Variants in GRIK1 observed in about 807,000 individuals in gnomAD.
The protein encoded by GRIK1 is glutamate receptor ionotropic, kainate 1.
A neutral mutation model predicts 105.7 loss-of-function variants in GRIK1; 69 were observed. The observed-to-expected ratio is 0.65, with a 90% CI of 0.54 to 0.80. The LOEUF (loss-of-function observed/expected upper bound fraction) is 0.80, where lower values mean the gene tolerates loss of function less well. Among genes scored for constraint, GRIK1 ranks in the 30% least tolerant of loss-of-function variants. The probability of loss-of-function intolerance (pLI) is 0.00; values close to 1 mark genes in which losing one functional copy is unlikely to be tolerated. For synonymous variants in GRIK1, 438 were observed against 431.3 expected (o/e 1.02, Z -0.19); for missense variants, 1,109 against 1,167.3 (o/e 0.95, Z 0.73).
intron 1 of GRIK1, among the ~76,000 whole-genome samples, chr21:29,933,798 A>G (rs2071653837): frequency 6.6e-6 from 1 of 152,184 alleles, no homozygotes; most frequent in Admixed American, 6.5e-5. Flanking sequence ...GTCAATTAGA[A>G]AAAGGCAGCT....
chr21:29,635,919 C>T (rs1048186832), intron 7 of GRIK1, among the ~76,000 whole-genome samples: 4 of 152,056 alleles, frequency 2.6e-5, no homozygotes, highest in Admixed American at 1.3e-4. Flanking sequence ...TCAGAAGAGA[C>T]GGTCAAACAG....
At chr21:29,833,339 T>C (rs2067694431) in intron 1 of GRIK1, among the ~76,000 whole-genome samples, 1 of 152,190 alleles carries the variant, frequency 6.6e-6, no homozygotes, top group African/African-American at 2.4e-5. Flanking sequence ...ACCTCCACAT[T>C]TTTGGGTATC....
At chr21:29,769,561 G>T (rs1216672988) in intron 1 of GRIK1, among the ~76,000 whole-genome samples, 1 of 152,046 alleles carries the variant, frequency 6.6e-6, no homozygotes, top group African/African-American at 2.4e-5. Flanking sequence ...TAGGGTTTGC[G>T]CTCCTAAGAG....
chr21:29,881,445 A>G lies in GRIK1; in HGVS notation c.118+57938T>C, dbSNP rs75815442. On this transcript the variant is annotated intron_variant, in intron 1 of 17. Coordinates refer to ENST00000327783, the MANE Select transcript of GRIK1 (RefSeq NM_001330994.2). Reference sequence around the variant, plus strand: ...GTTTTTAAAGAATTAAGAATCAGAGAGGCTGAGTCGCTTGCTCCAGACCAC... The same window carrying G: ...GTTTTTAAAGAATTAAGAATCAGAGGGGCTGAGTCGCTTGCTCCAGACCAC... Among the ~76,000 whole-genome samples the G allele has an allele frequency of 4.0e-3, 608 of 152,246 alleles. 3 individuals are homozygous for G. The highest frequency in any genetic ancestry group is 0.013 in the African/African-American group (526 of 41,564).
At chr21:29,888,218 T>C (rs560311146) in intron 1 of GRIK1, among the ~76,000 whole-genome samples, 2 of 129,220 alleles carry the variant, frequency 1.5e-5, no homozygotes, top group East Asian at 4.7e-4. Context: ...TCTCTCTCTC[T>C]CTCTCTCTCT....
intron 7 of GRIK1, among the ~76,000 whole-genome samples, chr21:29,608,810 C>T (rs2061672216): frequency 6.6e-6 from 1 of 152,144 alleles, no homozygotes; most frequent in Non-Finnish European, 1.5e-5. Context: ...TTCAAACAGT[C>T]ATTGGTATAG....
intron 1 of GRIK1, among the ~76,000 whole-genome samples, chr21:29,867,155 A>G (rs1027951526): frequency 6.6e-6 from 1 of 152,190 alleles, no homozygotes; most frequent in Non-Finnish European, 1.5e-5. Flanking sequence ...TGACTTTTAA[A>G]TCTGTTAGAA....
chr21:29,816,524 A>T (rs2067158724), intron 1 of GRIK1, among the ~76,000 whole-genome samples: 1 of 152,144 alleles, frequency 6.6e-6, no homozygotes, highest in Non-Finnish European at 1.5e-5. Flanking sequence ...AATAACCAAG[A>T]TATGGAATCA....
intron 9 of GRIK1, among the ~76,000 whole-genome samples, chr21:29,595,340 G>GTTTTTTTTTTTTTTTTTTT (rs71191119): frequency 1.5e-5 from 2 of 136,976 alleles, no homozygotes. Flanking sequence ...AGTGTAATAG[G>GTTTTTTTTTTTTTTTTTTT]TTTTTTTTTT....
intron 6 of GRIK1, among the ~76,000 whole-genome samples, chr21:29,645,999 A>G (rs1432266300): frequency 6.6e-6 from 1 of 152,204 alleles, no homozygotes; most frequent in Non-Finnish European, 1.5e-5. Context: ...CACATTCCAA[A>G]GAGAAGATTG....
intron 1 of GRIK1, among the ~76,000 whole-genome samples, chr21:29,846,831 CGTTT>C (rs776517098): frequency 1.4e-3 from 205 of 151,676 alleles, no homozygotes; most frequent in Admixed American, 2.6e-3. Flanking sequence ...TTTTTTTGTT[CGTTT>C]GTTTCCTTCA....
At chr21:29,628,094 T>C (rs577171457) in intron 7 of GRIK1, among the ~76,000 whole-genome samples, 11 of 152,346 alleles carry the variant, frequency 7.2e-5, no homozygotes, top group African/African-American at 2.6e-4. Flanking sequence ...CACAGAGTAC[T>C]GTACAATGAC....
intron 1 of GRIK1, among the ~76,000 whole-genome samples, chr21:29,713,296 A>G (rs1011902061): frequency 3.3e-5 from 5 of 152,192 alleles, no homozygotes; most frequent in Admixed American, 6.6e-5. Context: ...TAATATCCAT[A>G]TAATACATTC....
In GRIK1 at chr21:29,772,757, C is replaced by T. The variant is rs890702818; in HGVS notation, c.119-78694G>A. Among the ~76,000 whole-genome samples the T allele has an allele frequency of 2.6e-5, 4 of 152,278 alleles. No homozygotes were observed. In the South Asian group the frequency reaches 6.2e-4, roughly 24 times the overall value. On this transcript the variant is annotated intron_variant, in intron 1 of 17. Transcript: ENST00000327783. The stretch of plus-strand genomic sequence containing the variant: ...TGCAAAGAGCCATCAACAAATTAGG[C>T]AGAAGCAGTTTGCAAAGTAGATGGG...
intron 15 of GRIK1, among the ~76,000 whole-genome samples, chr21:29,557,111 T>A (rs1216451403): frequency 2.0e-5 from 3 of 152,182 alleles, no homozygotes; most frequent in African/African-American, 7.2e-5. Context: ...AATACTGGAT[T>A]TTGGTTAATC....
At chr21:29,725,863 G>A (rs2246042) in intron 1 of GRIK1, among the ~76,000 whole-genome samples, 8,285 of 152,170 alleles carry the variant, frequency 0.054, 567 homozygotes, top group East Asian at 0.17. Context: ...TGATTGTCTC[G>A]TCTGCCTCCC....
rs76494385 is a variant in GRIK1, at chr21:29,589,896, A to G, written c.1366-854T>C. Among the ~76,000 whole-genome samples, 95 of 152,298 alleles carry G rather than the reference A, an allele frequency of 6.2e-4. 1 individual carries two copies. In the East Asian group the frequency reaches 0.016, roughly 26 times the overall value. On this transcript the variant is annotated intron_variant, in intron 10 of 17. Transcript: ENST00000327783. ...TGATTGGTTTCCTTCAGGGTAGCCTATTCCAAAGGCCATTTCTATTTCTTC... is the reference window on the plus strand; with the variant it reads ...TGATTGGTTTCCTTCAGGGTAGCCTGTTCCAAAGGCCATTTCTATTTCTTC...
chr21:29,583,368 C>A (rs751850460), intron 12 of GRIK1, among the ~76,000 whole-genome samples: 6 of 152,112 alleles, frequency 3.9e-5, no homozygotes, highest in African/African-American at 1.4e-4. Context: ...GTTACTTAAA[C>A]ACTATCATTG....
intron 1 of GRIK1, among the ~76,000 whole-genome samples, chr21:29,780,904 G>A (rs1323575724): frequency 1.3e-5 from 2 of 152,136 alleles, no homozygotes; most frequent in Admixed American, 1.3e-4. Context: ...GCAAGAGAGA[G>A]GATCTGCTAT....
Sources: gnomAD v4.1 joint callset for allele counts (sites outside exome capture counted in the v4.1 genomes callset) on GRCh38, gnomAD v4.1.1 for gene constraint, MANE v1.5 for transcripts, NCBI Gene and HGNC (gene_info 2026-07-23, HGNC 2026-07-21) for gene names.